Variants in MAP3K2 observed in about 807,000 individuals in gnomAD.
MAP3K2 encodes the protein MAP/ERK kinase kinase 2.
Under a neutral mutation model 80.3 loss-of-function variants are expected in MAP3K2, and 24 were observed. The observed-to-expected ratio is 0.30, with a 90% confidence interval of 0.22 to 0.42. MAP3K2 has a LOEUF of 0.42. Ranked by LOEUF, MAP3K2 falls within the 10% of genes least tolerant of loss-of-function variation. The pLI is 1.00. For synonymous variants in MAP3K2, 244 were observed against 253.7 expected (o/e 0.96, Z 0.36); for missense variants, 608 against 750.1 (o/e 0.81, Z 2.21).
At chr2:127,353,802 G>A (rs1686747397) in intron 1 of MAP3K2, among the ~76,000 whole-genome samples, 1 of 152,120 alleles carries the variant, frequency 6.6e-6, no homozygotes, top group African/African-American at 2.4e-5. Flanking sequence ...GAATAGAAAA[G>A]GGGGAAAGGT....
chr2:127,368,756 A>G (rs1450325849), intron 1 of MAP3K2, among the ~76,000 whole-genome samples: 3 of 152,140 alleles, frequency 2.0e-5, no homozygotes, highest in Non-Finnish European at 4.4e-5. Context: ...AATAGTTGTT[A>G]TAAGTTATTT....
chr2:127,317,592 A>G (rs776068573), intron 14 of MAP3K2, 37 bp downstream of exon 14: 1 of 1,459,530 alleles, frequency 6.9e-7, no homozygotes, highest in Admixed American at 2.7e-5. Context: ...AAAATTTTAA[A>G]TAGAATGTGT....
chr2:127,361,367 A>G (rs1050956218), intron 1 of MAP3K2, among the ~76,000 whole-genome samples: 2 of 151,990 alleles, frequency 1.3e-5, no homozygotes, highest in African/African-American at 4.8e-5. Flanking sequence ...TTCTCCCAAC[A>G]TTTTAAGTAA....
intron 1 of MAP3K2, among the ~76,000 whole-genome samples, chr2:127,360,894 C>A (rs1348232203): frequency 6.6e-6 from 1 of 152,142 alleles, no homozygotes; most frequent in Non-Finnish European, 1.5e-5. Flanking sequence ...TAACACCAGT[C>A]ACCTCTGAGA....
chr2:127,358,070 A>G (rs1302786057), intron 1 of MAP3K2, among the ~76,000 whole-genome samples: 1 of 152,252 alleles, frequency 6.6e-6, no homozygotes, highest in Admixed American at 6.5e-5. Context: ...TACTAAACAC[A>G]TACCTGACAA....
At chr2:127,361,740 A>C (rs1351882127) in intron 1 of MAP3K2, among the ~76,000 whole-genome samples, 2 of 152,188 alleles carry the variant, frequency 1.3e-5, no homozygotes, top group African/African-American at 4.8e-5. Context: ...TTATTTGGCA[A>C]ATAAATTTGA....
intron 1 of MAP3K2, among the ~76,000 whole-genome samples, chr2:127,361,533 A>G (rs1686892672): frequency 6.6e-6 from 1 of 152,194 alleles, no homozygotes; most frequent in African/African-American, 2.4e-5. Flanking sequence ...ATAAAGTGGC[A>G]GTCATTTGTA....
chr2:127,317,602 T>G, intron 14 of MAP3K2, 27 bp downstream of exon 14: 1 of 1,499,688 alleles, frequency 6.7e-7, no homozygotes, highest in Non-Finnish European at 8.9e-7. Flanking sequence ...ATAGAATGTG[T>G]ATTTTCAAAA....
chr2:127,383,346 G>C (rs1028736526), intron 1 of MAP3K2, among the ~76,000 whole-genome samples: 7 of 152,172 alleles, frequency 4.6e-5, no homozygotes, highest in African/African-American at 1.4e-4. Context: ...GTTTGTCTGT[G>C]TCATCTAGAA....
At position 127,307,175 on chromosome 2, in the gene MAP3K2, T is replaced by C. The variant is rs989099370; in HGVS notation, c.*404A>G. The C allele has an allele frequency of 6.5e-6, 1 of 153,274 alleles. No homozygotes were observed. Among genetic ancestry groups the C allele is most frequent in the African/African-American group, 2.4e-5 (1 of 41,426 alleles). The allele number at this position is 153,274 out of a possible 1,614,324, so 9.5% of individuals were successfully genotyped here. ...AATACTATCACTAAAAACTACAAAT[T>C]ATACATCATTTTCTTCTCCTTGTTT... On this transcript the variant is annotated 3_prime_UTR_variant, in exon 17 of 17. Coordinates refer to ENST00000682094, the MANE Select transcript of MAP3K2 (RefSeq NM_001371910.2). The surrounding 1 kb of genome is among the most constrained non-coding windows in gnomAD (Gnocchi z 5.4).
chr2:127,346,148 C>A (rs1336567875), intron 1 of MAP3K2, among the ~76,000 whole-genome samples: 1 of 150,808 alleles, frequency 6.6e-6, no homozygotes, highest in Non-Finnish European at 1.5e-5. Context: ...CAAAAGGGAG[C>A]AATTACACCA....
intron 9 of MAP3K2, 46 bp downstream of exon 9, chr2:127,325,682 T>A: frequency 6.8e-7 from 1 of 1,474,802 alleles, no homozygotes; most frequent in South Asian, 1.1e-5. Flanking sequence ...CAAAACTCTG[T>A]CTCAAATAAA....
chr2:127,315,427 GT>G (rs1685882075), intron 14 of MAP3K2, among the ~76,000 whole-genome samples: 2 of 152,188 alleles, frequency 1.3e-5, no homozygotes, highest in South Asian at 4.1e-4. Context: ...GGTGTACTCT[GT>G]CATATGAAAG....
rs1450131509 is a variant in MAP3K2 at position 127,302,879 on chromosome 2, T to C, written c.*4700A>G. ...CCTAATGTTTCTCTCCTAACATTTATTTATTTATTTATTTATTTTTTTAAA... is the reference window on the plus strand; with the variant it reads ...CCTAATGTTTCTCTCCTAACATTTACTTATTTATTTATTTATTTTTTTAAA... On this transcript the variant is annotated 3_prime_UTR_variant, in exon 17 of 17. Transcript: ENST00000682094. 1 of 152,084 alleles carries C rather than the reference T, an allele frequency of 6.6e-6. No homozygotes were observed. The highest frequency in any genetic ancestry group is 1.9e-4 in the East Asian group (1 of 5,200). 9.4% of individuals were successfully genotyped at this position (152,084 alleles called of 1,614,324 possible). A position where few individuals can be genotyped will look rare whatever the true frequency, so the allele number is the denominator to read the frequency against.
chr2:127,338,493 C>T (rs889178604), intron 3 of MAP3K2, among the ~76,000 whole-genome samples: 1 of 152,138 alleles, frequency 6.6e-6, no homozygotes. Context: ...CTGCCCTCCA[C>T]CCTCTCGCAG....
chr2:127,314,931 A>G (rs920675869), intron 14 of MAP3K2, 48 bp from the exon 15 acceptor site: 32 of 1,356,996 alleles, frequency 2.4e-5, no homozygotes, highest in Non-Finnish European at 3.3e-5. Flanking sequence ...ATGGTTTGAA[A>G]TGAAAACTGC....
chr2:127,365,572 G>A (rs1245846940), intron 1 of MAP3K2, among the ~76,000 whole-genome samples: 1 of 152,136 alleles, frequency 6.6e-6, no homozygotes, highest in Admixed American at 6.5e-5. Context: ...TCCTCTTCTT[G>A]ATTGCCAACC....
chr2:127,357,558 A>T (rs1036201994), intron 1 of MAP3K2, among the ~76,000 whole-genome samples: 25 of 152,238 alleles, frequency 1.6e-4, no homozygotes, highest in Non-Finnish European at 1.9e-4. Flanking sequence ...AGTTTGAAAA[A>T]GAAGAAAGAG....
intron 14 of MAP3K2, 28 bp downstream of exon 14, chr2:127,317,601 G>C (rs1685931458): frequency 6.7e-7 from 1 of 1,492,396 alleles, no homozygotes; most frequent in African/African-American, 1.4e-5. Flanking sequence ...AATAGAATGT[G>C]TATTTTCAAA....
Sources: gnomAD v4.1 joint callset for allele counts (sites outside exome capture counted in the v4.1 genomes callset) on GRCh38, gnomAD v4.1.1 for gene constraint, Gnocchi (gnomAD v3.1) non-coding constraint, MANE v1.5 for transcripts, NCBI Gene and HGNC (gene_info 2026-07-23, HGNC 2026-07-21) for gene names.